The following PALM2AKAP2 variants were observed in gnomAD, a reference collection of about 807,000 sequenced individuals.
PALM2AKAP2 encodes the protein PALM2-AKAP2 fusion protein.
A neutral mutation model predicts 71.5 loss-of-function variants in PALM2AKAP2; 37 were observed. The ratio of observed to expected loss-of-function variants is 0.52; its 90% CI spans 0.40 to 0.68. The LOEUF (loss-of-function observed/expected upper bound fraction) is 0.68. PALM2AKAP2 is among the 30% of genes least tolerant of loss of function. The pLI is 0.00. For missense variants in PALM2AKAP2, 1,224 were observed against 1,191.8 expected (o/e 1.03, Z -0.40); for synonymous variants, 468 against 478.8 (o/e 0.98, Z 0.29).
intron 1 of PALM2AKAP2, among the ~76,000 whole-genome samples, 167 bp from the exon 8 acceptor site, chr9:110,135,960 C>G (rs1323862646): frequency 6.6e-6 from 1 of 152,156 alleles, no homozygotes; most frequent in Non-Finnish European, 1.5e-5. Context: ...GCACCTGTTA[C>G]TACAAGAAAA....
chr9:109,780,941 G>A (rs1379790755), intron 1 of PALM2AKAP2, among the ~76,000 whole-genome samples: 1 of 152,154 alleles, frequency 6.6e-6, no homozygotes, highest in Non-Finnish European at 1.5e-5. Context: ...CTGTCCTCCT[G>A]TTAAGTGGAA....
At chr9:109,692,324 A>G (rs1439799087) in intron 1 of PALM2AKAP2, among the ~76,000 whole-genome samples, 2 of 151,962 alleles carry the variant, frequency 1.3e-5, no homozygotes, top group Non-Finnish European at 2.9e-5. Flanking sequence ...AAACTCATTA[A>G]TTAGTTCTAA....
At position 110,012,096 on chromosome 9, in the gene PALM2AKAP2, C is replaced by T. The variant is rs1012444909; in HGVS notation, c.497-3858C>T. On this transcript the variant is annotated intron_variant, in intron 6 of 9. Transcript: ENST00000302798. ...GATCACTTGAGGTCAGGAGTTAGAC[C>T]GGTCTGACCAACGTGGCAAAACCCT... 7.2e-5 allele frequency among the ~76,000 whole-genome samples: 11 copies of T among 152,196 alleles called. No homozygotes were observed. In the East Asian group the frequency reaches 1.2e-3, roughly 16 times the overall value.
intron 2 of PALM2AKAP2, 22 bp downstream of exon 2, chr9:109,867,593 C>T (rs754059869): frequency 1.2e-6 from 2 of 1,606,824 alleles, no homozygotes; most frequent in East Asian, 2.2e-5. Flanking sequence ...ATCCCAGGAA[C>T]CTATTCCATT....
chr9:109,992,192 C>T (rs74612555), intron 6 of PALM2AKAP2, among the ~76,000 whole-genome samples: 15 of 152,168 alleles, frequency 9.9e-5, no homozygotes, highest in African/African-American at 3.6e-4. Flanking sequence ...CTCCCCGAAG[C>T]ATTGCTTGGC....
At chr9:109,986,738 G>A (rs1832385987) in intron 6 of PALM2AKAP2, among the ~76,000 whole-genome samples, 1 of 152,122 alleles carries the variant, frequency 6.6e-6, no homozygotes. Flanking sequence ...CTTGAAGTCT[G>A]TGTGTTTCAT....
chr9:109,877,224 C>T (rs941357058), intron 2 of PALM2AKAP2, among the ~76,000 whole-genome samples: 69 of 152,058 alleles, frequency 4.5e-4, no homozygotes, highest in African/African-American at 1.6e-3. Flanking sequence ...CAGGAAGCAC[C>T]CTGAAAGTGT....
At chr9:109,778,251 T>C (rs538869398), upstream of PALM2AKAP2, among the ~76,000 whole-genome samples, 1 of 152,318 alleles carries the variant, frequency 6.6e-6, no homozygotes, top group South Asian at 2.1e-4. Flanking sequence ...GCCTGGTGCT[T>C]AATGGTTAAG....
At chr9:109,723,730 C>A (rs1217900378) in intron 1 of PALM2AKAP2, among the ~76,000 whole-genome samples, 1 of 152,138 alleles carries the variant, frequency 6.6e-6, no homozygotes, top group African/African-American at 2.4e-5. Context: ...ACAGCACCTG[C>A]AAAAAAGCAA....
intron 2 of PALM2AKAP2, among the ~76,000 whole-genome samples, chr9:109,870,527 C>G (rs932922304): frequency 6.6e-6 from 1 of 152,174 alleles, no homozygotes; most frequent in Non-Finnish European, 1.5e-5. Context: ...GTACTTTAAA[C>G]ACATACCCTC....
intron 1 of PALM2AKAP2, among the ~76,000 whole-genome samples, chr9:110,077,102 A>G (rs1834340238): frequency 6.6e-6 from 1 of 152,220 alleles, no homozygotes; most frequent in Non-Finnish European, 1.5e-5. Context: ...TCCATAGCTC[A>G]TAGCATAAGC....
At chr9:110,112,618 T>G (rs995733949) in intron 1 of PALM2AKAP2, among the ~76,000 whole-genome samples, 2 of 152,202 alleles carry the variant, frequency 1.3e-5, no homozygotes, top group African/African-American at 4.8e-5. Context: ...TATGATAAAG[T>G]AGAAAAAGAA....
rs1472587675 is a variant in PALM2AKAP2, at chr9:109,879,181, C to CTT, written c.127-1368_127-1367dup. ...AAGCCTCCATTCCCTGGCTCTCAGT[C>CTT]TTTAGAAGAGTTCTTTCCTTTCACC... On this transcript the variant is annotated intron_variant, in intron 2 of 9. Coordinates refer to the PALM2AKAP2 transcript ENST00000302798. Among the ~76,000 whole-genome samples, 4 of 152,340 alleles carry CTT rather than the reference C, an allele frequency of 2.6e-5. No homozygotes were observed. In the East Asian group the frequency reaches 7.7e-4, roughly 29 times the overall value.
chr9:110,025,398 G>A (rs1015400932), intron 7 of PALM2AKAP2: 7 of 760,854 alleles, frequency 9.2e-6, no homozygotes, highest in African/African-American at 5.4e-5. Context: ...CGCCCGAAAG[G>A]CTTTTTTTTT....
chr9:109,739,607 GCAGAA>G lies in PALM2AKAP2; in HGVS notation c.6-40880_6-40876del, dbSNP rs540238057. Among the ~76,000 whole-genome samples the G allele has an allele frequency of 1.1e-3, 166 of 152,292 alleles. 1 individual carries two copies. Among genetic ancestry groups the G allele is most frequent in the Non-Finnish European group, 1.8e-3 (122 of 68,020 alleles). On this transcript the variant is annotated intron_variant, in intron 1 of 6. Transcript: ENST00000374531. Reference sequence around the variant, plus strand: ...TTTCTGGTCACACCACTAATTAGTGGCAGAATTGGTCTTGGAATCCAATTAGAGCC... The same window carrying G: ...TTTCTGGTCACACCACTAATTAGTGGTTGGTCTTGGAATCCAATTAGAGCC...
At chr9:110,129,605 A>G (rs1357513490) in intron 1 of PALM2AKAP2, among the ~76,000 whole-genome samples, 1 of 152,230 alleles carries the variant, frequency 6.6e-6, no homozygotes, top group Non-Finnish European at 1.5e-5. Context: ...ATGTATGTGC[A>G]TGTACTGTGA....
chr9:109,787,668 G>A (rs1011756327), intron 1 of PALM2AKAP2, among the ~76,000 whole-genome samples: 12 of 152,168 alleles, frequency 7.9e-5, no homozygotes, highest in Admixed American at 6.5e-5. Flanking sequence ...TTGTGAGAAC[G>A]TGGGTCTTAT....
intron 1 of PALM2AKAP2, among the ~76,000 whole-genome samples, chr9:110,075,453 T>C (rs1834298984): frequency 6.6e-6 from 1 of 152,208 alleles, no homozygotes; most frequent in Non-Finnish European, 1.5e-5. Context: ...TATAGAAATG[T>C]AGACATAAAA....
At chr9:109,801,640 T>C (rs566817930) in intron 1 of PALM2AKAP2, among the ~76,000 whole-genome samples, 1 of 152,282 alleles carries the variant, frequency 6.6e-6, no homozygotes, top group Non-Finnish European at 1.5e-5. Context: ...GGACCTGGGA[T>C]GGGTCATTCT....
Sources: gnomAD v4.1 joint callset for allele counts (sites outside exome capture counted in the v4.1 genomes callset) on GRCh38, gnomAD v4.1.1 for gene constraint, MANE v1.5 for transcripts, NCBI Gene and HGNC (gene_info 2026-07-23, HGNC 2026-07-21) for gene names.